The following CASP4 variants were observed in gnomAD, a reference collection of about 807,000 sequenced individuals.
The protein encoded by CASP4 is caspase 4.
In CASP4, 29 loss-of-function variants were observed where a neutral mutation model predicts 41.3. That is an observed-to-expected ratio of 0.70 (90% CI 0.52 to 0.96). The LOEUF is 0.96. Ranked by LOEUF, CASP4 falls within the 40% of genes least tolerant of loss-of-function variation. CASP4 has a pLI of 0.00. For missense variants in CASP4, 447 were observed against 460.6 expected, an observed-to-expected ratio of 0.97 and a Z score of 0.27; for synonymous variants, 185 against 158.4, an observed-to-expected ratio of 1.17 and a Z score of -1.26.
chr11:104,948,413 A>T, intron 6 of CASP4, 120 bp downstream of exon 6: 1 of 1,009,342 alleles, frequency 9.9e-7, no homozygotes, highest in Admixed American at 3.1e-5. Context: ...CATGTAAAAT[A>T]TGTGGAGAGC....
At chr11:104,946,861 C>T in intron 7 of CASP4, 1 of 357,572 alleles carries the variant, frequency 2.8e-6, no homozygotes, top group Non-Finnish European at 5.1e-6. Flanking sequence ...CGCTCCATAA[C>T]ATAAAGCTTA....
intron 3 of CASP4, chr11:104,951,451 G>A (rs114910396): frequency 0.016 from 3,756 of 239,868 alleles, 166 homozygotes; most frequent in African/African-American, 0.079. Flanking sequence ...CTTTGCCTTC[G>A]GAAGCATAGC....
intron 7 of CASP4, among the ~76,000 whole-genome samples, chr11:104,945,674 T>C (rs1860441168): frequency 6.6e-6 from 1 of 152,116 alleles, no homozygotes; most frequent in Admixed American, 6.6e-5. Flanking sequence ...AAATCCAGAA[T>C]TTTTAGTTCC....
At chr11:104,967,438 C>T (rs982973637) in intron 1 of CASP4, among the ~76,000 whole-genome samples, 1 of 152,186 alleles carries the variant, frequency 6.6e-6, no homozygotes, top group Non-Finnish European at 1.5e-5. Context: ...ACTGGATACA[C>T]ATGTTTCAAA....
In CASP4 at chr11:104,954,737, C is replaced by A. The variant is rs371778039; in HGVS notation, c.262+10G>T. On this transcript the variant is annotated intron_variant, in intron 2 of 8. Coordinates refer to ENST00000444739, the MANE Select transcript of CASP4 (RefSeq NM_001225.4). ...AATTGAGACATTCATTGTAAAAAATCCAGTCTTACCTTTTTTATTGGGGGA... is the reference window on the plus strand; with the variant it reads ...AATTGAGACATTCATTGTAAAAAATACAGTCTTACCTTTTTTATTGGGGGA... 2 of 1,610,284 alleles carry A rather than the reference C, an allele frequency of 1.2e-6. No individual in the cohort carries two copies. Among genetic ancestry groups the A allele is most frequent in the African/African-American group, 2.7e-5 (2 of 74,572 alleles).
intron 1 of CASP4, among the ~76,000 whole-genome samples, chr11:104,957,980 T>G (rs907604591): frequency 1.8e-4 from 28 of 152,012 alleles, no homozygotes; most frequent in Non-Finnish European, 4.4e-5. Flanking sequence ...AACCCAGAAA[T>G]AAACCCAATT....
chr11:104,951,247 AC>A (rs1860605777), intron 3 of CASP4, 149 bp from the exon 4 acceptor site: 1 of 604,808 alleles, frequency 1.7e-6, no homozygotes, highest in Non-Finnish European at 2.8e-6. Flanking sequence ...TCTCTCAAGA[AC>A]CCAGGGAAAG....
At chr11:104,966,202 C>A (rs1860971361) in intron 1 of CASP4, among the ~76,000 whole-genome samples, 1 of 152,180 alleles carries the variant, frequency 6.6e-6, no homozygotes, top group Non-Finnish European at 1.5e-5. Flanking sequence ...AAGGTGAACC[C>A]ACCTGGTGAT....
chr11:104,950,310 C>A (rs1398281805), intron 4 of CASP4, among the ~76,000 whole-genome samples: 1 of 152,126 alleles, frequency 6.6e-6, no homozygotes, highest in African/African-American at 2.4e-5. Context: ...CATGTCTTTC[C>A]AGAGCCATCT....
intron 1 of CASP4, among the ~76,000 whole-genome samples, chr11:104,958,856 G>A (rs1272381863): frequency 6.7e-6 from 1 of 149,242 alleles, no homozygotes; most frequent in South Asian, 2.1e-4. Flanking sequence ...AGCTACTCAT[G>A]AGGCAGAGGC....
chr11:104,959,188 G>A (rs868206221), intron 1 of CASP4, among the ~76,000 whole-genome samples: 12 of 152,116 alleles, frequency 7.9e-5, no homozygotes, highest in Middle Eastern at 3.4e-3. Flanking sequence ...CAACCTAAAT[G>A]TCTGTGGACA....
intron 1 of CASP4, among the ~76,000 whole-genome samples, chr11:104,957,579 A>T (rs579408): frequency 0.43 from 64,829 of 151,928 alleles, 14,552 homozygotes; most frequent in East Asian, 0.78. Flanking sequence ...CTCAAAAATA[A>T]CAGCAATAAT....
chr11:104,948,405 TG>T, intron 6 of CASP4, 127 bp downstream of exon 6: 1 of 932,764 alleles, frequency 1.1e-6, no homozygotes, highest in African/African-American at 1.7e-5. Flanking sequence ...CATAAGATCA[TG>T]TAAAATATGT....
chr11:104,968,500 T>G lies in CASP4; in HGVS notation c.7+19A>C. 1 of 1,610,912 alleles carries G rather than the reference T, an allele frequency of 6.2e-7. No individual in the cohort carries two copies. On this transcript the variant is annotated intron_variant, in intron 1 of 8. Transcript: ENST00000444739. ...TTCTAAGTTCCTACTCCCAAACTCCTAGTCAGAAAAGGACTCACCTGCCAT... is the reference window on the plus strand; with the variant it reads ...TTCTAAGTTCCTACTCCCAAACTCCGAGTCAGAAAAGGACTCACCTGCCAT...
chr11:104,964,683 AGTCCTTGTAC>A (rs1860934662), intron 1 of CASP4, among the ~76,000 whole-genome samples: 1 of 152,214 alleles, frequency 6.6e-6, no homozygotes, highest in South Asian at 2.1e-4. Flanking sequence ...GTCTACACAG[AGTCCTTGTAC>A]AAGGTTCTTG....
In CASP4 at chr11:104,968,535, C is replaced by T. The variant is rs1861025907; in HGVS notation, c.-10G>A. On this transcript the variant is annotated 5_prime_UTR_variant, in exon 1 of 9. Coordinates refer to ENST00000444739, the MANE Select transcript of CASP4 (RefSeq NM_001225.4). ...AGGACTCACCTGCCATAGGGAACAG[C>T]CTCTGTCCTTTTTTACAGCGTTGGA... 7 of 1,613,188 alleles carry T rather than the reference C, an allele frequency of 4.3e-6. No homozygotes were observed. Among genetic ancestry groups the T allele is most frequent in the South Asian group, 2.2e-5 (2 of 91,064 alleles).
chr11:104,944,816 A>G lies in CASP4; in HGVS notation c.1071T>C (p.Ala357=), dbSNP rs1354699435. 1 of 1,613,438 alleles carries G rather than the reference A, an allele frequency of 6.2e-7. No individual in the cohort carries two copies. Among genetic ancestry groups the G allele is most frequent in the Non-Finnish European group, 8.5e-7 (1 of 1,179,594 alleles). Residue 357 remains alanine (A), a synonymous_variant, in exon 8 of 9, where the codon GCT becomes GCC. Coordinates refer to ENST00000444739, the MANE Select transcript of CASP4 (RefSeq NM_001225.4). Reference sequence around the variant, plus strand: ...ACAGTCGTTCTATGGTGGGCATTTGAGCTTTGGCCCTTGGAGTTTCAAATG... The same window carrying G: ...ACAGTCGTTCTATGGTGGGCATTTGGGCTTTGGCCCTTGGAGTTTCAAATG... ...QQSFETPRAK[A]QMPTIERLSM... is the part of the protein sequence containing the mutation.
intron 8 of CASP4, chr11:104,944,214 C>T (rs1342976617): frequency 6.3e-6 from 1 of 158,500 alleles, no homozygotes; most frequent in African/African-American, 2.4e-5. Flanking sequence ...GTAATGGTAT[C>T]TGGATGTCAG....
At chr11:104,949,455 T>G (rs1860549469) in intron 5 of CASP4, 88 bp downstream of exon 5, 2 of 1,370,660 alleles carry the variant, frequency 1.5e-6, no homozygotes, top group Non-Finnish European at 2.1e-6. Context: ...GGATGAGGTT[T>G]AAGAATGTTG....
Sources: gnomAD v4.1 joint callset for allele counts (sites outside exome capture counted in the v4.1 genomes callset) on GRCh38, gnomAD v4.1.1 for gene constraint, MANE v1.5 for transcripts, NCBI Gene and HGNC (gene_info 2026-07-23, HGNC 2026-07-21) for gene names.